PRKCQ: variants seen among roughly 807,000 people sequenced by gnomAD.
PRKCQ encodes the protein protein kinase C theta.
Under a neutral mutation model 91.2 loss-of-function variants are expected in PRKCQ, and 41 were observed. The observed-to-expected ratio is 0.45, with a 90% CI of 0.35 to 0.58. The LOEUF (loss-of-function observed/expected upper bound fraction) is 0.58. Ranked by LOEUF, PRKCQ falls within the 20% of genes least tolerant of loss-of-function variation. The pLI is 0.00. For synonymous variants in PRKCQ, 307 were observed against 316.9 expected (o/e 0.97, Z 0.33); for missense variants, 673 against 896.5 (o/e 0.75, Z 3.18).
chr10:6,410,884 C>T, the PRKCQ span, among the ~76,000 whole-genome samples: 8 of 149,116 alleles, frequency 5.4e-5, no homozygotes, highest in South Asian at 2.1e-4. Flanking sequence ...GGCTGAGGCA[C>T]GAGAATCGCT....
chr10:6,484,338 C>G (rs72781770), intron 10 of PRKCQ, among the ~76,000 whole-genome samples: 17,009 of 152,066 alleles, frequency 0.11, 1,265 homozygotes, highest in Middle Eastern at 0.24. Context: ...CCCTTGAACC[C>G]ACAGGGCAGA....
downstream of PRKCQ, among the ~76,000 whole-genome samples, chr10:6,425,648 C>T (rs1278310651): frequency 6.6e-6 from 1 of 152,090 alleles, no homozygotes; most frequent in East Asian, 1.9e-4. Flanking sequence ...TGTTAGTCAC[C>T]TGACATATTC....
chr10:6,569,285 A>G (rs1204312576), intron 1 of PRKCQ, among the ~76,000 whole-genome samples: 1 of 152,090 alleles, frequency 6.6e-6, no homozygotes, highest in Non-Finnish European at 1.5e-5. Flanking sequence ...AGGATCAGGA[A>G]GAGCTTTCCA....
intron 1 of PRKCQ, among the ~76,000 whole-genome samples, chr10:6,516,618 A>T (rs186502239): frequency 6.6e-6 from 1 of 152,278 alleles, no homozygotes; most frequent in East Asian, 1.9e-4. Flanking sequence ...ATCAGGAAAA[A>T]TCACTAAGAA....
At chr10:6,448,863 G>A (rs548767831) in intron 15 of PRKCQ, among the ~76,000 whole-genome samples, 1 of 152,276 alleles carries the variant, frequency 6.6e-6, no homozygotes, top group East Asian at 1.9e-4. Context: ...CAGACCTGCA[G>A]CTGAGGGTCC....
intron 1 of PRKCQ, among the ~76,000 whole-genome samples, chr10:6,536,509 A>T (rs1218690080): frequency 3.9e-5 from 6 of 152,246 alleles, no homozygotes; most frequent in African/African-American, 1.4e-4. Context: ...ACAAGGCTAT[A>T]ACTGAAAACA....
chr10:6,452,050 C>T (rs924154547), intron 15 of PRKCQ, among the ~76,000 whole-genome samples: 92 of 151,966 alleles, frequency 6.1e-4, no homozygotes, highest in African/African-American at 2.1e-3. Context: ...CACTCCTATT[C>T]AACATAGTGT....
chr10:6,407,581 TTGTG>T, the PRKCQ span, among the ~76,000 whole-genome samples: 27 of 151,628 alleles, frequency 1.8e-4, no homozygotes, highest in African/African-American at 2.7e-4. The surrounding 1 kb of genome is among the most constrained non-coding windows in gnomAD (Gnocchi z 4.0). Context: ...GAATGTGTGA[TTGTG>T]TGTGGTATGT....
chr10:6,534,775 TATATATATATATATATAG>T (rs1164956710), intron 1 of PRKCQ, among the ~76,000 whole-genome samples: 1 of 7,680 alleles, frequency 1.3e-4, no homozygotes, highest in African/African-American at 1.4e-4. Flanking sequence ...AACATATATC[TATATATATATATATATAG>T]ATATATATAT....
intron 11 of PRKCQ, 37 bp from the exon 12 acceptor site, chr10:6,479,202 T>G: frequency 1.2e-6 from 2 of 1,603,362 alleles, no homozygotes; most frequent in Non-Finnish European, 1.7e-6. Flanking sequence ...TATTTTAGAA[T>G]TTGGATTCCC....
chr10:6,534,617 A>ATAC (rs1263459985), intron 1 of PRKCQ, among the ~76,000 whole-genome samples: 1 of 152,006 alleles, frequency 6.6e-6, no homozygotes, highest in Non-Finnish European at 1.5e-5. Context: ...TTTAATAATA[A>ATAC]TAAAACTAGA....
chr10:6,545,753 C>T (rs1839927659), intron 1 of PRKCQ, among the ~76,000 whole-genome samples: 1 of 152,168 alleles, frequency 6.6e-6, no homozygotes, highest in Admixed American at 6.5e-5. Flanking sequence ...TGGCTCATGC[C>T]TGCAATCCCA....
intron 1 of PRKCQ, among the ~76,000 whole-genome samples, chr10:6,561,871 C>T (rs1840646433): frequency 6.6e-6 from 1 of 152,024 alleles, no homozygotes; most frequent in South Asian, 2.1e-4. Flanking sequence ...TGTTATTAAA[C>T]ACAGCATGAA....
At chr10:6,523,953 G>A (rs2130886270) in intron 1 of PRKCQ, among the ~76,000 whole-genome samples, 1 of 152,250 alleles carries the variant, frequency 6.6e-6, no homozygotes, top group Admixed American at 6.5e-5. Context: ...CGTTTATTGG[G>A]TTCAAGTTGC....
intron 1 of PRKCQ, among the ~76,000 whole-genome samples, chr10:6,572,466 T>C (rs115272591): frequency 5.4e-4 from 83 of 152,302 alleles, no homozygotes; most frequent in African/African-American, 1.9e-3. Flanking sequence ...CTCCCACTTA[T>C]AAGTGAGAAC....
chr10:6,478,339 G>T (rs1447396970), intron 12 of PRKCQ, among the ~76,000 whole-genome samples: 1 of 152,134 alleles, frequency 6.6e-6, no homozygotes, highest in Non-Finnish European at 1.5e-5. Context: ...TTTCTTCTTT[G>T]AGTTTATAAA....
At chr10:6,530,160 C>T (rs1839340062) in intron 1 of PRKCQ, among the ~76,000 whole-genome samples, 1 of 152,156 alleles carries the variant, frequency 6.6e-6, no homozygotes, top group Non-Finnish European at 1.5e-5. Context: ...CAAACCTCTC[C>T]TTCCTAGGGC....
At chr10:6,479,241 G>A (rs1836445095) in intron 11 of PRKCQ, 76 bp from the exon 12 acceptor site, 37 of 1,537,876 alleles carry the variant, frequency 2.4e-5, no homozygotes, top group Non-Finnish European at 3.2e-5. Flanking sequence ...AGAGTCCTGA[G>A]AGACACCTGT....
In PRKCQ at chr10:6,485,257, T is replaced by C. The variant is rs745477282; in HGVS notation, c.913A>G (p.Arg305Gly). The C allele has an allele frequency of 2.5e-6, 4 of 1,613,660 alleles. No homozygotes were observed. The highest frequency in any genetic ancestry group is 3.4e-6 in the Non-Finnish European group (4 of 1,179,774). The change falls in exon 10 of 18, where the codon AGA becomes GGA. Residue 305 changes from arginine to glycine, a missense_variant. By Grantham distance (125) the Arg-to-Gly change is moderately radical. Transcript: ENST00000263125. Reference protein sequence around the residue: ...IESTQQARCLRDTEQIFREGP... With the variant: ...IESTQQARCLGDTEQIFREGP... ...TCTCTGAAGATCTGTTCAGTATCTC[T>C]TAAGCAGCGAGCCTGGATGACAAAC...
Sources: allele counts gnomAD v4.1 joint callset (sites outside exome capture counted in the v4.1 genomes callset), GRCh38; gene constraint gnomAD v4.1.1; non-coding constraint Gnocchi (gnomAD v3.1); transcripts MANE v1.5; gene names NCBI Gene and HGNC (gene_info 2026-07-23, HGNC 2026-07-21).